The following SLC25A48 variants were observed in gnomAD, a reference collection of about 807,000 sequenced individuals.
SLC25A48 encodes the protein solute carrier family 25 member 48.
A neutral mutation model predicts 32.2 loss-of-function variants in SLC25A48; 29 were observed. The ratio of observed to expected loss-of-function variants is 0.90; its 90% CI spans 0.67 to 1.23. SLC25A48 has a LOEUF of 1.23. Among genes scored for constraint, SLC25A48 ranks in the 50% most tolerant of loss-of-function variants. The pLI is 0.00. For synonymous variants in SLC25A48, 164 were observed against 172.3 expected (o/e 0.95, Z 0.38); for missense variants, 399 against 422.7 (o/e 0.94, Z 0.49).
chr5:135,646,836 A>T (rs1042282844), intron 3 of SLC25A48, among the ~76,000 whole-genome samples: 3 of 151,470 alleles, frequency 2.0e-5, no homozygotes, highest in African/African-American at 7.3e-5. Context: ...AAATGGGAAG[A>T]TGTTGATCTA....
chr5:135,753,589 A>C (rs1356675906), intron 3 of SLC25A48, among the ~76,000 whole-genome samples: 1 of 151,942 alleles, frequency 6.6e-6, no homozygotes, highest in African/African-American at 2.4e-5. Context: ...TATCTCAAGA[A>C]TATTATGCCT....
intron 3 of SLC25A48, among the ~76,000 whole-genome samples, chr5:135,721,854 C>G (rs1754963086): frequency 2.0e-5 from 3 of 152,214 alleles, no homozygotes; most frequent in African/African-American, 7.2e-5. Flanking sequence ...GGCCACAGCC[C>G]AAGAAGGATG....
intron 3 of SLC25A48, among the ~76,000 whole-genome samples, chr5:135,732,526 G>A (rs1237127222): frequency 6.6e-6 from 1 of 152,186 alleles, no homozygotes; most frequent in East Asian, 1.9e-4. Context: ...TGTAGGGAAT[G>A]GAGGGAGGCC....
chr5:135,862,521 G>A (rs535056576), intron 4 of SLC25A48, among the ~76,000 whole-genome samples: 1 of 152,322 alleles, frequency 6.6e-6, no homozygotes, highest in East Asian at 1.9e-4. Context: ...GGGTAAAGAA[G>A]CGCTGGAAGC....
chr5:135,725,114 C>G (rs1436297892), intron 3 of SLC25A48, among the ~76,000 whole-genome samples: 1 of 152,366 alleles, frequency 6.6e-6, no homozygotes, highest in East Asian at 1.9e-4. Context: ...GAAGCAGAGA[C>G]TGCTACAGGA....
At chr5:135,703,555 C>T (rs1362698661) in intron 3 of SLC25A48, among the ~76,000 whole-genome samples, 1 of 152,176 alleles carries the variant, frequency 6.6e-6, no homozygotes, top group Non-Finnish European at 1.5e-5. Flanking sequence ...CAGTTTTCCC[C>T]ACAACCCGTC....
chr5:135,755,838 T>G (rs928743859), intron 3 of SLC25A48, among the ~76,000 whole-genome samples: 3 of 144,206 alleles, frequency 2.1e-5, no homozygotes, highest in African/African-American at 7.7e-5. Flanking sequence ...GTCAATGCAG[T>G]GTAGTATTAA....
chr5:135,748,602 C>G (rs1014187236), intron 3 of SLC25A48, among the ~76,000 whole-genome samples: 26 of 152,116 alleles, frequency 1.7e-4, no homozygotes, highest in Admixed American at 1.7e-3. Flanking sequence ...GCTGAGGAAA[C>G]TGAGGGTCAG....
intron 3 of SLC25A48, among the ~76,000 whole-genome samples, chr5:135,689,671 T>G (rs936405799): frequency 6.6e-6 from 1 of 152,210 alleles, no homozygotes; most frequent in Non-Finnish European, 1.5e-5. Context: ...AACTCCATTG[T>G]GCCGACTCAT....
chr5:135,774,042 A>G (rs1756485001), intron 3 of SLC25A48, among the ~76,000 whole-genome samples: 1 of 151,296 alleles, frequency 6.6e-6, no homozygotes, highest in African/African-American at 2.4e-5. Flanking sequence ...ACCTCCCAAA[A>G]TAGCAGGGGG....
intron 3 of SLC25A48, among the ~76,000 whole-genome samples, chr5:135,708,622 C>G (rs1289101576): frequency 1.3e-5 from 2 of 152,228 alleles, no homozygotes; most frequent in Non-Finnish European, 2.9e-5. Context: ...CCAGGGCAAC[C>G]CTGGACCACA....
At chr5:135,857,994 C>T (rs1760472129) in intron 4 of SLC25A48, among the ~76,000 whole-genome samples, 1 of 152,188 alleles carries the variant, frequency 6.6e-6, no homozygotes, top group Non-Finnish European at 1.5e-5. Context: ...CACAGGGACC[C>T]TGTCCTTCCA....
intron 4 of SLC25A48, among the ~76,000 whole-genome samples, chr5:135,853,218 G>A (rs147907166): frequency 5.9e-5 from 9 of 152,292 alleles, no homozygotes; most frequent in Admixed American, 5.2e-4. Flanking sequence ...GTCTTGCCTC[G>A]ATGTTGATGG....
chr5:135,755,482 TATC>T (rs1450963971), intron 3 of SLC25A48, among the ~76,000 whole-genome samples: 1 of 152,022 alleles, frequency 6.6e-6, no homozygotes, highest in Non-Finnish European at 1.5e-5. Context: ...ATACTTATCA[TATC>T]ATATCTAGTG....
At chr5:135,887,371 A>G (rs1020686463) in intron 7 of SLC25A48, among the ~76,000 whole-genome samples, 2 of 152,154 alleles carry the variant, frequency 1.3e-5, no homozygotes, top group Non-Finnish European at 2.9e-5. Context: ...AGAGCAGATA[A>G]CATCTTAGTG....
At chr5:135,694,054 C>G (rs1580790829) in intron 3 of SLC25A48, among the ~76,000 whole-genome samples, 1 of 152,174 alleles carries the variant, frequency 6.6e-6, no homozygotes. Context: ...GCTGAGCCCA[C>G]CTTTTCCACC....
At chr5:135,741,827 T>A (rs1333452330) in intron 3 of SLC25A48, among the ~76,000 whole-genome samples, 1 of 152,220 alleles carries the variant, frequency 6.6e-6, no homozygotes, top group Admixed American at 6.5e-5. Context: ...GCCCACTGGC[T>A]ATAGTTTGCA....
At chr5:135,685,466 C>G (rs1324489780) in intron 3 of SLC25A48, among the ~76,000 whole-genome samples, 1 of 123,208 alleles carries the variant, frequency 8.1e-6, no homozygotes, top group Non-Finnish European at 1.7e-5. Flanking sequence ...GACTTTTGCT[C>G]TTGTTGCCCA....
chr5:135,762,910 TTGTG>T (rs1561480756), intron 3 of SLC25A48, among the ~76,000 whole-genome samples: 1 of 151,622 alleles, frequency 6.6e-6, no homozygotes, highest in South Asian at 2.1e-4. Context: ...GAATGTGTGT[TTGTG>T]TGGCTGAGTA....
Sources: gnomAD v4.1 joint callset for allele counts (sites outside exome capture counted in the v4.1 genomes callset) on GRCh38, gnomAD v4.1.1 for gene constraint, MANE v1.5 for transcripts, NCBI Gene and HGNC (gene_info 2026-07-23, HGNC 2026-07-21) for gene names.